The following SRSF1 variants were observed in gnomAD, a reference collection of about 807,000 sequenced individuals.
SRSF1 encodes serine/arginine-rich splicing factor 1.
A neutral mutation model predicts 25.9 loss-of-function variants in SRSF1; 1 was observed. The observed-to-expected ratio is 0.04, with a 90% CI of 0.01 to 0.18. SRSF1 has a LOEUF of 0.18. Ranked by LOEUF, SRSF1 falls within the 10% of genes least tolerant of loss-of-function variation. SRSF1 has a pLI of 1.00. For synonymous variants in SRSF1, 132 were observed against 126.2 expected (o/e 1.05, Z -0.31); for missense variants, 65 against 350.5 (o/e 0.19, Z 6.50).
At position 58,001,259 on chromosome 17, in the gene SRSF1, A is replaced by G. The variant is rs1382091718; in HGVS notation, c.*4147T>C. Among the ~76,000 whole-genome samples the G allele has an allele frequency of 6.6e-6, 1 of 152,210 alleles. No individual in the cohort carries two copies. Among genetic ancestry groups the G allele is most frequent in the Non-Finnish European group, 1.5e-5 (1 of 68,018 alleles). On this transcript the variant is annotated 3_prime_UTR_variant, in exon 4 of 4. Coordinates refer to ENST00000258962, the MANE Select transcript of SRSF1 (RefSeq NM_006924.5). ...TGACCAAGACAATGTTTCAAAGACA[A>G]CAAACACCAAGAAAAGTTGAGATTC...
chr17:57,996,846 G>A (rs2075367384), downstream of SRSF1, among the ~76,000 whole-genome samples: 1 of 152,130 alleles, frequency 6.6e-6, no homozygotes, highest in African/African-American at 2.4e-5. Flanking sequence ...TAAAGTTAAT[G>A]CTTAAGACTC....
In SRSF1 at chr17:58,005,091, T is replaced by C; in HGVS notation, c.*315A>G. ...AGATAAACATAAGAACTTCCCCAGG[T>C]AAGATAACCACAAACACCCCCAACA... On this transcript the variant is annotated 3_prime_UTR_variant, in exon 4 of 4. Transcript: ENST00000258962. The surrounding 1 kb of genome is among the most constrained non-coding windows in gnomAD (Gnocchi z 5.2). 2.2e-6 allele frequency: 1 copy of C among 459,924 alleles called. No homozygotes were observed. Among genetic ancestry groups the C allele is most frequent in the Non-Finnish European group, 3.8e-6 (1 of 262,240 alleles). 28.5% of individuals were successfully genotyped at this position (459,924 alleles called of 1,614,324 possible).
the SRSF1 span, chr17:57,989,194 T>C: frequency 1.3e-4 from 51 of 398,612 alleles, no homozygotes; most frequent in African/African-American, 1.0e-3. Context: ...TCACTGCTAC[T>C]GGAACTTTGT....
At chr17:57,997,547 C>G (rs764806612), downstream of SRSF1, among the ~76,000 whole-genome samples, 63 of 152,102 alleles carry the variant, frequency 4.1e-4, 1 homozygote, top group Admixed American at 1.3e-3. Context: ...TGATTGAGAA[C>G]AGGATAAATT....
downstream of SRSF1, among the ~76,000 whole-genome samples, chr17:57,997,987 G>T (rs2075371513): frequency 6.6e-6 from 1 of 152,150 alleles, no homozygotes. Context: ...GGCCGAGGCG[G>T]GCGGATCACT....
intron 1 of SRSF1, 23 bp downstream of exon 1, chr17:58,006,921 C>T (rs765871368): frequency 6.2e-7 from 1 of 1,612,902 alleles, no homozygotes; most frequent in African/African-American, 1.3e-5. Context: ...TTCCTCAAGG[C>T]TGCAAGCCCC....
chr17:57,996,503 A>AAAAAAAAAC (rs1555574723), downstream of SRSF1, among the ~76,000 whole-genome samples: 1 of 151,092 alleles, frequency 6.6e-6, no homozygotes. Context: ...AAAAAAAAAA[A>AAAAAAAAAC]CAGCCTTTGC....
downstream of SRSF1, among the ~76,000 whole-genome samples, chr17:58,000,500 A>AC (rs2075382438): frequency 6.6e-6 from 1 of 152,130 alleles, no homozygotes. Context: ...TGTATTGTAC[A>AC]CTCTAGGATG....
At position 58,004,261 on chromosome 17, in the gene SRSF1, T is replaced by C. The variant is rs1480304347; in HGVS notation, c.*1145A>G. The C allele has an allele frequency of 6.6e-6, 1 of 152,668 alleles. No individual in the cohort carries two copies. Among genetic ancestry groups the C allele is most frequent in the African/African-American group, 2.4e-5 (1 of 41,458 alleles). The allele number at this position is 152,668 out of a possible 1,614,324, so 9.5% of individuals were successfully genotyped here. A position where few individuals can be genotyped will look rare whatever the true frequency, so the allele number is the denominator to read the frequency against. ...CAACACTTGTTACTGTACAGCGTATTACAGGTTTCGTGGTTGCAAGAAGTT... is the reference window on the plus strand; with the variant it reads ...CAACACTTGTTACTGTACAGCGTATCACAGGTTTCGTGGTTGCAAGAAGTT... On this transcript the variant is annotated 3_prime_UTR_variant, in exon 4 of 4. Transcript: ENST00000258962.
chr17:57,996,505 A>C (rs1271632886), downstream of SRSF1, among the ~76,000 whole-genome samples: 1 of 151,228 alleles, frequency 6.6e-6, no homozygotes, highest in Non-Finnish European at 1.5e-5. Flanking sequence ...AAAAAAAAAC[A>C]GCCTTTGCTC....
chr17:58,006,640 G>A (rs2075430597), intron 1 of SRSF1, 113 bp from the exon 2 acceptor site: 2 of 1,277,630 alleles, frequency 1.6e-6, no homozygotes, highest in East Asian at 5.1e-5. Context: ...GAGCCCACAT[G>A]CGCCGCATAA....
In SRSF1 at chr17:58,001,166, AAAGT is replaced by A. The variant is rs201751732; in HGVS notation, c.*4236_*4239del. On this transcript the variant is annotated 3_prime_UTR_variant, in exon 4 of 4. Coordinates refer to ENST00000258962, the MANE Select transcript of SRSF1 (RefSeq NM_006924.5). ...AATTTAAATTACAAAATTCATATAC[AAAGT>A]AAGCAAAAAGGCACACATAAGAAAT... Among the ~76,000 whole-genome samples the A allele has an allele frequency of 8.7e-3, 1,326 of 152,300 alleles. 13 individuals carry two copies. Among genetic ancestry groups the A allele is most frequent in the Middle Eastern group, 0.041 (12 of 294 alleles).
rs2075409667 is a variant in SRSF1, at chr17:58,003,909, T to A, written c.*1497A>T. The A allele has an allele frequency of 6.6e-6, 1 of 152,670 alleles. No homozygotes were observed. The highest frequency in any genetic ancestry group is 1.5e-5 in the Non-Finnish European group (1 of 68,048). The allele number at this position is 152,670 out of a possible 1,614,324, so 9.5% of individuals were successfully genotyped here. ...TCTGATCCCGCTCCATGAATCCTGG[T>A]AATTCATCCTCCCTATCCTATCCAC... On this transcript the variant is annotated 3_prime_UTR_variant, in exon 4 of 4. Transcript: ENST00000258962.
rs982968482 is a variant in SRSF1 at position 58,004,814 on chromosome 17, G to A, written c.*592C>T. On this transcript the variant is annotated 3_prime_UTR_variant, in exon 4 of 4. Coordinates refer to ENST00000258962, the MANE Select transcript of SRSF1 (RefSeq NM_006924.5). The stretch of plus-strand genomic sequence containing the variant: ...GTAGCTAAAGACAACTGAATAAAAT[G>A]TTTGCAAGTGTTTTAAGGAAAATGT... 2.5e-5 allele frequency: 10 copies of A among 396,590 alleles called. No individual in the cohort carries two copies. The East Asian group carries it at 3.6e-4, about 14-fold the overall frequency. The allele number at this position is 396,590 out of a possible 1,614,324, so 24.6% of individuals were successfully genotyped here. A position where few individuals can be genotyped will look rare whatever the true frequency, so the allele number is the denominator to read the frequency against.
Position 58,004,897 on chromosome 17 carries a change from T to C in SRSF1, c.*509A>G, listed in dbSNP as rs878994541. The stretch of plus-strand genomic sequence containing the variant: ...TAAGGTCAATACTGCCAATTTCATC[T>C]GTGACAATAGCACTTGGAGTCATAC... On this transcript the variant is annotated 3_prime_UTR_variant, in exon 4 of 4. Transcript: ENST00000258962. 7.5e-6 allele frequency: 3 copies of C among 400,118 alleles called. No homozygotes were observed. In the Admixed American group the frequency reaches 1.3e-4, roughly 17 times the overall value. The allele number at this position is 400,118 out of a possible 1,614,324, so 24.8% of individuals were successfully genotyped here.
chr17:57,992,298 C>T, the SRSF1 span: 2 of 152,272 alleles, frequency 1.3e-5, no homozygotes, highest in Middle Eastern at 3.4e-3. Flanking sequence ...AAAACATACT[C>T]ATAGGCACCA....
chr17:57,998,835 T>C (rs1220000298), downstream of SRSF1, among the ~76,000 whole-genome samples: 1 of 152,220 alleles, frequency 6.6e-6, no homozygotes, highest in Non-Finnish European at 1.5e-5. Context: ...AACAGACTGA[T>C]TTTCTAAAAT....
chr17:57,999,211 A>AAG (rs1464358529), downstream of SRSF1, among the ~76,000 whole-genome samples: 2 of 152,192 alleles, frequency 1.3e-5, no homozygotes, highest in African/African-American at 4.8e-5. Context: ...TACTGAGAAG[A>AAG]TCATCACACC....
downstream of SRSF1, among the ~76,000 whole-genome samples, chr17:57,996,489 A>AAAAAAAAC (rs2075365464): frequency 6.6e-6 from 1 of 150,554 alleles, no homozygotes; most frequent in Admixed American, 6.6e-5. Context: ...GTCTTAAAAA[A>AAAAAAAAC]AAAAAAAAAA....
Sources: allele counts gnomAD v4.1 joint callset (sites outside exome capture counted in the v4.1 genomes callset), GRCh38; gene constraint gnomAD v4.1.1; non-coding constraint Gnocchi (gnomAD v3.1); transcripts MANE v1.5; gene names NCBI Gene and HGNC (gene_info 2026-07-23, HGNC 2026-07-21).